Variants in MME observed in about 807,000 individuals in gnomAD.
The protein encoded by MME is membrane metalloendopeptidase.
Under a neutral mutation model 113.2 loss-of-function variants are expected in MME, and 98 were observed. The observed-to-expected ratio is 0.87, with a 90% CI of 0.74 to 1.02. MME has a LOEUF of 1.02. Ranked by LOEUF, MME falls within the 50% of genes least tolerant of loss-of-function variation. The pLI is 0.00. For missense variants in MME, 836 were observed against 896.0 expected (o/e 0.93, Z 0.86); for synonymous variants, 292 against 300.6 (o/e 0.97, Z 0.30).
chr3:155,108,441 C>A lies in MME; in HGVS notation c.197-6553C>A, dbSNP rs1178108775. Among the ~76,000 whole-genome samples, 3 of 151,982 alleles carry A rather than the reference C, an allele frequency of 2.0e-5. No individual in the cohort carries two copies. The East Asian group carries it at 5.8e-4, about 30-fold the overall frequency. On this transcript the variant is annotated intron_variant, in intron 3 of 22. Coordinates refer to ENST00000360490, the MANE Select transcript of MME (RefSeq NM_007289.4). ...GGAAACCCCGTCTCTACTGAAAACA[C>A]AAAAATTAGCCAAGCATGGTGGCGG...
At chr3:155,040,583 T>G (rs185886644) in intron 1 of MME, among the ~76,000 whole-genome samples, 1 of 151,732 alleles carries the variant, frequency 6.6e-6, no homozygotes, top group Non-Finnish European at 1.5e-5. Context: ...GAAAGGGAGA[T>G]AGAGAAAGAC....
chr3:155,028,663 TGTCTCA>T lies in MME; in HGVS notation c.-11+4341_-11+4346del, dbSNP rs529155404. On this transcript the variant is annotated intron_variant, in intron 1 of 22. Coordinates refer to the MME transcript ENST00000492661. ...GTAATTATTCTAAATGAATTCTGAC[TGTCTCA>T]GAAGTTTAGGATCAAACGTCAGGCT... Among the ~76,000 whole-genome samples, 181 of 152,336 alleles carry T rather than the reference TGTCTCA, an allele frequency of 1.2e-3. 1 individual carries two copies. Among genetic ancestry groups the T allele is most frequent in the Non-Finnish European group, 9.1e-4 (62 of 68,032 alleles).
intron 1 of MME, chr3:155,081,162 A>C (rs1715109429): frequency 6.6e-6 from 1 of 152,260 alleles, no homozygotes; most frequent in South Asian, 2.1e-4. Context: ...GTTTCCATAG[A>C]ACAAACTGTA....
At chr3:155,146,028 G>A (rs984235149) in intron 14 of MME, among the ~76,000 whole-genome samples, 17 of 151,930 alleles carry the variant, frequency 1.1e-4, no homozygotes, top group African/African-American at 4.1e-4. Flanking sequence ...CAGAGATACA[G>A]GCTAAACCCC....
chr3:155,137,192 A>G (rs557098989), intron 8 of MME, among the ~76,000 whole-genome samples: 34 of 152,332 alleles, frequency 2.2e-4, no homozygotes, highest in African/African-American at 7.9e-4. Context: ...AATCTATGGT[A>G]TCGTATAGTG....
chr3:155,062,348 T>C (rs978222213), intron 1 of MME, among the ~76,000 whole-genome samples: 6 of 152,202 alleles, frequency 3.9e-5, no homozygotes, highest in Non-Finnish European at 8.8e-5. Context: ...CAAAAACATA[T>C]TTTTTCAAAG....
intron 1 of MME, among the ~76,000 whole-genome samples, chr3:155,048,969 T>G (rs1713658109): frequency 6.6e-6 from 1 of 152,192 alleles, no homozygotes. Flanking sequence ...ACTCTGTTTT[T>G]AACATGTTTA....
chr3:155,093,446 C>T (rs1050021684), intron 3 of MME, among the ~76,000 whole-genome samples: 1 of 152,174 alleles, frequency 6.6e-6, no homozygotes, highest in Admixed American at 6.5e-5. Flanking sequence ...CCATCTGGAT[C>T]AAAGCCAGAC....
chr3:155,092,636 G>A (rs1716390359), intron 3 of MME, among the ~76,000 whole-genome samples: 1 of 152,060 alleles, frequency 6.6e-6, no homozygotes, highest in South Asian at 2.1e-4. Context: ...TAAACAAAAT[G>A]CCATATAGCT....
upstream of MME, among the ~76,000 whole-genome samples, chr3:155,079,307 T>G (rs1714904086): frequency 6.6e-6 from 1 of 151,990 alleles, no homozygotes. Flanking sequence ...AAGAAGAGCG[T>G]GAGAAGAGGC....
At chr3:155,034,673 C>T (rs547033660) in intron 1 of MME, among the ~76,000 whole-genome samples, 10 of 152,064 alleles carry the variant, frequency 6.6e-5, no homozygotes, top group African/African-American at 2.2e-4. Flanking sequence ...AATAAACCCC[C>T]TAGGGTCTTA....
At chr3:155,053,370 AG>A (rs1322090029) in intron 1 of MME, among the ~76,000 whole-genome samples, 1 of 152,198 alleles carries the variant, frequency 6.6e-6, no homozygotes, top group Non-Finnish European at 1.5e-5. Context: ...ATGTCTAGGG[AG>A]GCCTCAGGAA....
Position 155,180,964 on chromosome 3 carries a change from G to T in MME, c.*505G>T. ...TTCCAAAGAATTCTTATACACATTG[G>T]GGCCTTGGAGCTTACATAGTTTTAA... On this transcript the variant is annotated 3_prime_UTR_variant, in exon 23 of 23. Coordinates refer to ENST00000360490, the MANE Select transcript of MME (RefSeq NM_007289.4). 1 of 161,584 alleles carries T rather than the reference G, an allele frequency of 6.2e-6. No homozygotes were observed. The highest frequency in any genetic ancestry group is 1.6e-4 in the South Asian group (1 of 6,096). The allele number at this position is 161,584 out of a possible 1,614,324, so 10.0% of individuals were successfully genotyped here.
chr3:155,070,895 A>G (rs936897126), intron 1 of MME, among the ~76,000 whole-genome samples: 1 of 152,168 alleles, frequency 6.6e-6, no homozygotes, highest in Admixed American at 6.5e-5. Context: ...TCCCCCTGAG[A>G]AAAATCTGGG....
intron 1 of MME, among the ~76,000 whole-genome samples, chr3:155,051,304 T>C (rs1713756645): frequency 6.6e-6 from 1 of 152,202 alleles, no homozygotes; most frequent in South Asian, 2.1e-4. Flanking sequence ...TCTTGTCCAA[T>C]AGCATGGACT....
chr3:155,143,173 GT>G (rs1214917182), intron 12 of MME, among the ~76,000 whole-genome samples: 1 of 152,112 alleles, frequency 6.6e-6, no homozygotes, highest in African/African-American at 2.4e-5. Flanking sequence ...AGTGTTGTAT[GT>G]TTTTCTAACG....
At chr3:155,144,505 G>A (rs1341746791) in intron 14 of MME, 48 bp downstream of exon 14, 2 of 1,235,480 alleles carry the variant, frequency 1.6e-6, no homozygotes, top group Non-Finnish European at 2.4e-6. Flanking sequence ...TGCTAGTATA[G>A]GAAAAATTAA....
At chr3:155,063,246 AT>A in intron 1 of MME, among the ~76,000 whole-genome samples, 1 of 110,272 alleles carries the variant, frequency 9.1e-6, no homozygotes, top group East Asian at 2.3e-4. Flanking sequence ...ATATTATATA[AT>A]AATATACATA....
chr3:155,080,040 AAGGGCGCGAGCGCCC>A (rs1714975850), upstream of MME: 1 of 152,606 alleles, frequency 6.6e-6, no homozygotes, highest in South Asian at 2.1e-4. Context: ...GAAAGGTCCA[AAGGGCGCGAGCGCCC>A]AGGGCGCTGG....
Sources: gnomAD v4.1 joint callset for allele counts (sites outside exome capture counted in the v4.1 genomes callset) on GRCh38, gnomAD v4.1.1 for gene constraint, MANE v1.5 for transcripts, NCBI Gene and HGNC (gene_info 2026-07-23, HGNC 2026-07-21) for gene names.